The following SPAG16 variants were observed in gnomAD, a reference collection of about 807,000 sequenced individuals.
SPAG16 encodes the protein sperm associated antigen 16, also known as sperm-associated antigen 16 protein.
Under a neutral mutation model 80.4 loss-of-function variants are expected in SPAG16, and 86 were observed. The observed-to-expected ratio is 1.07, with a 90% CI of 0.90 to 1.28. The LOEUF is 1.28. Ranked by LOEUF, SPAG16 falls within the 50% of genes most tolerant of loss-of-function variation. The pLI, the probability that SPAG16 is intolerant of heterozygous loss-of-function variation, is 0.00. For missense variants in SPAG16, 870 were observed against 765.3 expected (o/e 1.14, Z -1.61); for synonymous variants, 294 against 265.9 (o/e 1.11, Z -1.03).
intron 10 of SPAG16, among the ~76,000 whole-genome samples, chr2:213,491,305 C>G (rs1424307067): frequency 6.6e-6 from 1 of 152,152 alleles, no homozygotes; most frequent in Non-Finnish European, 1.5e-5. Context: ...TATTTCTTAC[C>G]TAAGCCATGC....
chr2:213,723,266 C>T (rs931682441), intron 10 of SPAG16, among the ~76,000 whole-genome samples: 1 of 152,132 alleles, frequency 6.6e-6, no homozygotes, highest in African/African-American at 2.4e-5. Flanking sequence ...GGCTGGCCAG[C>T]TTAGCCTCTC....
At chr2:214,147,502 C>T (rs1459779049) in intron 14 of SPAG16, among the ~76,000 whole-genome samples, 1 of 152,014 alleles carries the variant, frequency 6.6e-6, no homozygotes, top group African/African-American at 2.4e-5. Flanking sequence ...ACTCTGTTCC[C>T]AAAATTGAAA....
intron 11 of SPAG16, among the ~76,000 whole-genome samples, chr2:213,867,766 C>CA (rs72200284): frequency 0.016 from 2,352 of 149,096 alleles, 68 homozygotes; most frequent in African/African-American, 0.054. Context: ...ACTAAAAATA[C>CA]AAAAAAAAAT....
intron 10 of SPAG16, among the ~76,000 whole-genome samples, chr2:213,635,692 T>G (rs1052264549): frequency 2.6e-5 from 4 of 152,180 alleles, no homozygotes; most frequent in African/African-American, 9.7e-5. Flanking sequence ...TTTATAATTG[T>G]GATTATGAAA....
chr2:213,541,837 T>G (rs1206273663), intron 10 of SPAG16, among the ~76,000 whole-genome samples: 1 of 152,190 alleles, frequency 6.6e-6, no homozygotes, highest in Non-Finnish European at 1.5e-5. Flanking sequence ...TTTTGACAGT[T>G]GAGAAATTGT....
At chr2:213,996,212 A>C (rs912482842) in intron 12 of SPAG16, among the ~76,000 whole-genome samples, 1 of 152,312 alleles carries the variant, frequency 6.6e-6, no homozygotes, top group Admixed American at 6.5e-5. Context: ...TTGAGGAAGA[A>C]TCTCACACAT....
At chr2:214,033,487 G>A (rs1225760534) in intron 13 of SPAG16, among the ~76,000 whole-genome samples, 2 of 152,134 alleles carry the variant, frequency 1.3e-5, no homozygotes, top group Non-Finnish European at 2.9e-5. Context: ...AGGCAGAAGA[G>A]TTTGGTGGAC....
At chr2:214,288,913 C>T (rs1284056667) in intron 15 of SPAG16, among the ~76,000 whole-genome samples, 5 of 152,104 alleles carry the variant, frequency 3.3e-5, no homozygotes, top group Non-Finnish European at 7.4e-5. Flanking sequence ...GGACTACAGG[C>T]ACCTGCCATC....
chr2:213,383,145 C>T (rs1575438807), intron 9 of SPAG16, among the ~76,000 whole-genome samples: 1 of 152,126 alleles, frequency 6.6e-6, no homozygotes, highest in African/African-American at 2.4e-5. Flanking sequence ...CTACTCCTGT[C>T]TCTCTTTTGT....
chr2:213,811,796 G>T (rs748471328), intron 10 of SPAG16, among the ~76,000 whole-genome samples: 1 of 152,070 alleles, frequency 6.6e-6, no homozygotes, highest in African/African-American at 2.4e-5. Context: ...TCAGCACTAT[G>T]GATAAGATTG....
At chr2:213,545,924 T>G (rs1055667734) in intron 10 of SPAG16, among the ~76,000 whole-genome samples, 5 of 152,242 alleles carry the variant, frequency 3.3e-5, no homozygotes, top group East Asian at 1.9e-4. Context: ...TAAGCCTGGT[T>G]TCTGGTGACC....
intron 15 of SPAG16, among the ~76,000 whole-genome samples, chr2:214,213,846 G>C (rs567894212): frequency 6.6e-6 from 1 of 152,168 alleles, no homozygotes; most frequent in Non-Finnish European, 1.5e-5. Flanking sequence ...CTGCTTTACA[G>C]TTGGACCATA....
chr2:213,838,119 AAAAG>A (rs1234014113), intron 10 of SPAG16, among the ~76,000 whole-genome samples: 8 of 152,092 alleles, frequency 5.3e-5, no homozygotes, highest in African/African-American at 1.2e-4. Context: ...AAGGAAAAAA[AAAAG>A]AAAGAGACAA....
At chr2:213,947,563 T>C (rs2079530918) in intron 12 of SPAG16, among the ~76,000 whole-genome samples, 1 of 152,166 alleles carries the variant, frequency 6.6e-6, no homozygotes, top group Non-Finnish European at 1.5e-5. Flanking sequence ...GAGTTTCTGT[T>C]GAAAGTGCCC....
At chr2:213,880,848 G>A (rs1201023757) in intron 11 of SPAG16, among the ~76,000 whole-genome samples, 1 of 152,010 alleles carries the variant, frequency 6.6e-6, no homozygotes, top group African/African-American at 2.4e-5. Context: ...TCTTTTTGTA[G>A]CAGTGCCATG....
At chr2:213,558,010 C>CT (rs538144520) in intron 10 of SPAG16, among the ~76,000 whole-genome samples, 267 of 152,156 alleles carry the variant, frequency 1.8e-3, no homozygotes, top group African/African-American at 6.2e-3. Flanking sequence ...ATTTTTTCTA[C>CT]TTGGCATGTA....
intron 15 of SPAG16, among the ~76,000 whole-genome samples, chr2:214,365,370 ACAG>A (rs1216347502): frequency 6.6e-6 from 1 of 152,210 alleles, no homozygotes; most frequent in African/African-American, 2.4e-5. Context: ...CTTTCTGCTA[ACAG>A]CAGCCTTTAA....
rs150533538 is a variant in SPAG16 at position 213,638,035 on chromosome 2, G to A, written c.1070+147945G>A. On this transcript the variant is annotated intron_variant, in intron 10 of 15. Transcript: ENST00000331683. ...GCCTCCCAGAGTGCTGGGATTACAG[G>A]CGTGAGCCATCGTGCCCGGCTGATC... Among the ~76,000 whole-genome samples, 483 of 152,288 alleles carry A rather than the reference G, an allele frequency of 3.2e-3. 2 individuals carry two copies. The highest frequency in any genetic ancestry group is 0.011 in the African/African-American group (450 of 41,540).
chr2:213,829,463 C>A (rs1273075357), intron 10 of SPAG16, among the ~76,000 whole-genome samples: 1 of 152,098 alleles, frequency 6.6e-6, no homozygotes, highest in East Asian at 1.9e-4. Context: ...AAATTAAGGA[C>A]CCTCAGAGCC....
Sources: gnomAD v4.1 joint callset for allele counts (sites outside exome capture counted in the v4.1 genomes callset) on GRCh38, gnomAD v4.1.1 for gene constraint, MANE v1.5 for transcripts, NCBI Gene and HGNC (gene_info 2026-07-23, HGNC 2026-07-21) for gene names.